The following OAT variants were observed in gnomAD, a reference collection of about 807,000 sequenced individuals.
OAT encodes ornithine aminotransferase.
OAT carries 35 observed loss-of-function variants against 48.4 expected under a neutral mutation model. The observed-to-expected ratio is 0.72, with a 90% CI of 0.55 to 0.96. OAT has a LOEUF of 0.96. Among genes scored for constraint, OAT ranks in the 40% least tolerant of loss-of-function variants. The pLI, the probability that OAT is intolerant of heterozygous loss-of-function variation, is 0.00. For synonymous variants in OAT, 182 were observed against 198.4 expected (o/e 0.92, Z 0.70); for missense variants, 438 against 537.9 (o/e 0.81, Z 1.84).
intron 2 of OAT, among the ~76,000 whole-genome samples, 158 bp downstream of exon 2, chr10:124,411,815 C>CAA (rs60176788): frequency 9.3e-6 from 1 of 107,540 alleles, no homozygotes; most frequent in African/African-American, 3.4e-5. Context: ...GACTCCGTCT[C>CAA]AAAAAAAAAA....
intron 5 of OAT, 116 bp downstream of exon 5, chr10:124,405,320 T>C: frequency 6.7e-7 from 1 of 1,492,754 alleles, no homozygotes; most frequent in Non-Finnish European, 9.2e-7. Context: ...AAATCGTGGC[T>C]TAACTTAAGT....
At position 124,405,621 on chromosome 10, in the gene OAT, TA is replaced by T. The variant is rs566784020; in HGVS notation, c.521-59del. On this transcript the variant is annotated intron_variant, in intron 4 of 9. Coordinates refer to ENST00000368845, the MANE Select transcript of OAT (RefSeq NM_000274.4). ...AAGAAACCCAAAATTCAATAAGCAC[TA>T]TCCCCGCAAAACACCACAAGAAGTT... is the stretch of plus-strand genomic sequence containing the variant. The T allele has an allele frequency of 6.3e-4, 1,011 of 1,603,914 alleles. 2 individuals are homozygous for T. The highest frequency in any genetic ancestry group is 8.4e-4 in the Non-Finnish European group (981 of 1,174,468).
chr10:124,397,998 C>T lies in OAT; in HGVS notation c.1264G>A (p.Glu422Lys), dbSNP rs1371412935. The T allele has an allele frequency of 1.9e-6, 3 of 1,613,972 alleles. No homozygotes were observed. Among genetic ancestry groups the T allele is most frequent in the East Asian group, 2.2e-5 (1 of 44,888 alleles). Residue 422 changes from glutamate to lysine, a missense_variant, in exon 10 of 10, where the codon GAG becomes AAG. Glu to Lys is a moderately conservative substitution (Grantham distance 56). Coordinates refer to ENST00000368845, the MANE Select transcript of OAT (RefSeq NM_000274.4). ...IRFAPPLVIK[E>K]DELRESIEII... ...TCAATGGACTCTCGAAGCTCATCCT[C>T]CTTGATCACCAGCGGAGGCGCAAAC...
Position 124,403,792 on chromosome 10 carries a change from G to C in OAT, c.771+6C>G. 1 of 1,614,082 alleles carries C rather than the reference G, an allele frequency of 6.2e-7. No homozygotes were observed. The highest frequency in any genetic ancestry group is 8.5e-7 in the Non-Finnish European group (1 of 1,179,984). On this transcript the variant is annotated splice_donor_region_variant and intron_variant, in intron 6 of 9. Coordinates refer to ENST00000368845, the MANE Select transcript of OAT (RefSeq NM_000274.4). ...CAGCCTTATCACAAACAGCTAACGT[G>C]ACAACCTGGTGCCTGGTGCAGAGCT...
rs1388855517 is a variant in OAT, at chr10:124,405,421, A to G, written c.648+15T>C. On this transcript the variant is annotated intron_variant, in intron 5 of 9. Transcript: ENST00000368845. Reference sequence around the variant, plus strand: ...TATTCCCAATGAGCTGAGCACTATGATGCTAGTGAAATACCTCCAGTGCGG... The same window carrying G: ...TATTCCCAATGAGCTGAGCACTATGGTGCTAGTGAAATACCTCCAGTGCGG... 1.2e-6 allele frequency: 2 copies of G among 1,612,710 alleles called. No homozygotes were observed. Among genetic ancestry groups the G allele is most frequent in the African/African-American group, 2.7e-5 (2 of 74,910 alleles).
chr10:124,398,826 C>T (rs1381149483), intron 9 of OAT, among the ~76,000 whole-genome samples: 1 of 151,926 alleles, frequency 6.6e-6, no homozygotes, highest in African/African-American at 2.4e-5. Context: ...ACCATCCTGG[C>T]CAACATGGTG....
Position 124,405,563 on chromosome 10 carries a change from G to A in OAT, c.521C>T (p.Ala174Val), listed in dbSNP as rs1399989457. The change falls in exon 5 of 10, where the codon GCT becomes GTT. Residue 174 changes from alanine (A) to valine (V), a missense_variant and splice_region_variant. Ala to Val is a moderately conservative substitution (Grantham distance 64, BLOSUM62 0). Transcript: ENST00000368845. Reference protein sequence around the residue: ...QKYKAKIVFAAGNFWGRTLSA... With the variant: ...QKYKAKIVFAVGNFWGRTLSA... ...CAACGTCCTACCCCAGAAGTTCCCA[G>A]CTACAAAGGGGAAACAAACAGTGAT... 1 of 1,613,660 alleles carries A rather than the reference G, an allele frequency of 6.2e-7. No homozygotes were observed. Among genetic ancestry groups the A allele is most frequent in the Non-Finnish European group, 8.5e-7 (1 of 1,179,792 alleles).
In OAT at chr10:124,408,601, C is replaced by A. The variant is rs121965039; in HGVS notation, c.461G>T (p.Arg154Leu). 3.1e-6 allele frequency: 5 copies of A among 1,612,724 alleles called. No individual in the cohort carries two copies. Among genetic ancestry groups the A allele is most frequent in the Admixed American group, 1.7e-5 (1 of 59,938 alleles). The change falls in exon 4 of 10, where the codon CGT becomes CTT. Residue 154 changes from arginine (R) to leucine (L), a missense_variant. Arg to Leu is a moderately radical substitution (Grantham distance 102, BLOSUM62 -2). Coordinates refer to ENST00000368845, the MANE Select transcript of OAT (RefSeq NM_000274.4). The stretch of plus-strand genomic sequence containing the variant: ...GCCCTTCACGGTATAGCCCCACTTA[C>A]GAGCTAGTTTACAGGCAGTCTCTCC... Reference protein sequence around the residue: ...EAGETACKLARKWGYTVKGIQ... With the variant: ...EAGETACKLALKWGYTVKGIQ...
At chr10:124,414,858 ACTTG>A (rs1305246055) in intron 1 of OAT, 1 of 152,140 alleles carries the variant, frequency 6.6e-6, no homozygotes, top group Non-Finnish European at 1.5e-5. Flanking sequence ...AAGGCAGATC[ACTTG>A]AGCCCAGGAG....
rs1230430874 is a variant in OAT, at chr10:124,401,649, T to C, written c.1014+77A>G. ...GGCATTCTTATTGAATTTTTTATTATACCAGTGGGCCCAAATTAAAAATCA... is the reference window on the plus strand; with the variant it reads ...GGCATTCTTATTGAATTTTTTATTACACCAGTGGGCCCAAATTAAAAATCA... On this transcript the variant is annotated intron_variant, in intron 8 of 9. Coordinates refer to ENST00000368845, the MANE Select transcript of OAT (RefSeq NM_000274.4). 6 of 958,888 alleles carry C rather than the reference T, an allele frequency of 6.3e-6. No individual in the cohort carries two copies. In the Admixed American group the frequency reaches 9.5e-5, roughly 15 times the overall value. The allele number at this position is 958,888 out of a possible 1,614,324, so 59.4% of individuals were successfully genotyped here. A position where few individuals can be genotyped will look rare whatever the true frequency, so the allele number is the denominator to read the frequency against.
At chr10:124,412,309 G>C in intron 1 of OAT, 109 bp from the exon 2 acceptor site, 1 of 821,286 alleles carries the variant, frequency 1.2e-6, no homozygotes, top group East Asian at 2.6e-5. Flanking sequence ...CCAGGAGTTT[G>C]AGACCAGCCT....
intron 4 of OAT, 104 bp downstream of exon 4, chr10:124,408,438 G>T: frequency 1.0e-6 from 1 of 965,472 alleles, no homozygotes; most frequent in Non-Finnish European, 1.6e-6. Flanking sequence ...CTCCTGCCTT[G>T]GCCTCCCAAA....
rs1409792422 is a variant in OAT at position 124,406,166 on chromosome 10, G to A, written c.521-603C>T. On this transcript the variant is annotated intron_variant, in intron 4 of 9. Coordinates refer to ENST00000368845, the MANE Select transcript of OAT (RefSeq NM_000274.4). Reference sequence around the variant, plus strand: ...TTTTTATCCATTAATAAAGGTGACTGAGGATCTACTATGTCAGGCATTGTT... The same window carrying A: ...TTTTTATCCATTAATAAAGGTGACTAAGGATCTACTATGTCAGGCATTGTT... The A allele has an allele frequency of 8.5e-6, 8 of 944,174 alleles. No individual in the cohort carries two copies. The African/African-American group carries it at 1.2e-4, about 15-fold the overall frequency. The allele number at this position is 944,174 out of a possible 1,614,324, so 58.5% of individuals were successfully genotyped here.
At chr10:124,407,840 C>T (rs1951627160) in intron 4 of OAT, among the ~76,000 whole-genome samples, 1 of 152,182 alleles carries the variant, frequency 6.6e-6, no homozygotes, top group African/African-American at 2.4e-5. Context: ...AACCAAAATT[C>T]AAGTTATTCC....
Position 124,403,820 on chromosome 10 carries a change from C to T in OAT, c.749G>A (p.Arg250Gln), listed in dbSNP as rs121965052. Residue 250 changes from arginine (R) to glutamine (Q), a missense_variant, in exon 6 of 10, where the codon CGA (arginine) becomes CAA (glutamine). Physicochemically the swap from Arg to Gln is conservative, Grantham distance 43. Transcript: ENST00000368845. ...AACCTGGTGCCTGGTGCAGAGCTCTCGCACTCCCATTAGGTAACCTGGATC... is the reference window on the plus strand; with the variant it reads ...AACCTGGTGCCTGGTGCAGAGCTCTTGCACTCCCATTAGGTAACCTGGATC... ...VPDPGYLMGV[R>Q]ELCTRHQVLF... is the part of the protein sequence containing the mutation. 3.2e-5 allele frequency: 51 copies of T among 1,614,026 alleles called. No individual in the cohort carries two copies. The highest frequency in any genetic ancestry group is 8.3e-5 in the Admixed American group (5 of 60,000).
At chr10:124,411,605 C>CGGG (rs1951753471) in intron 2 of OAT, among the ~76,000 whole-genome samples, 1 of 152,090 alleles carries the variant, frequency 6.6e-6, no homozygotes, top group Admixed American at 6.5e-5. Flanking sequence ...ATCACAAAGT[C>CGGG]AGGAGTCTGA....
rs183195622 is a variant in OAT at position 124,397,823 on chromosome 10, A to C, written c.*119T>G. On this transcript the variant is annotated 3_prime_UTR_variant, in exon 10 of 10. Coordinates refer to ENST00000368845, the MANE Select transcript of OAT (RefSeq NM_000274.4). ...TGTATCAACTGAAAAAAATATATTC[A>C]AAAAAAAAGTTTTTGAAGACTCATG... is the stretch of plus-strand genomic sequence containing the variant. The C allele has an allele frequency of 6.3e-6, 7 of 1,107,750 alleles. No homozygotes were observed. The African/African-American group carries it at 9.4e-5, about 15-fold the overall frequency. The allele number at this position is 1,107,750 out of a possible 1,614,324, so 68.6% of individuals were successfully genotyped here. A position where few individuals can be genotyped will look rare whatever the true frequency, so the allele number is the denominator to read the frequency against.
chr10:124,402,967 A>G lies in OAT; in HGVS notation c.860T>C (p.Ile287Thr), dbSNP rs550949287. The change falls in exon 7 of 10, where the codon ATA becomes ACA. Residue 287 changes from isoleucine to threonine, a missense_variant. Physicochemically the swap from Ile to Thr is moderately conservative, Grantham distance 89. Transcript: ENST00000368845. ...AVDYENVRPD[I>T]VLLGKALSGG... ...AGAAAGGGCCTTTCCAAGGAGGACT[A>G]TATCAGGTCTGACATTTTCATAATC... is the stretch of plus-strand genomic sequence containing the variant. 15 of 1,614,134 alleles carry G rather than the reference A, an allele frequency of 9.3e-6. No homozygotes were observed. Among genetic ancestry groups the G allele is most frequent in the East Asian group, 2.2e-5 (1 of 44,878 alleles).
chr10:124,410,810 C>A (rs1046338909), intron 2 of OAT, among the ~76,000 whole-genome samples: 1 of 151,490 alleles, frequency 6.6e-6, no homozygotes, highest in Non-Finnish European at 1.5e-5. Flanking sequence ...AAAGTCATTG[C>A]GTTTTTGGAA....
Sources: allele counts gnomAD v4.1 joint callset (sites outside exome capture counted in the v4.1 genomes callset), GRCh38; gene constraint gnomAD v4.1.1; transcripts MANE v1.5; gene names NCBI Gene and HGNC (gene_info 2026-07-23, HGNC 2026-07-21).